LRMDA: variants seen among roughly 807,000 people sequenced by gnomAD.
LRMDA encodes leucine rich melanocyte differentiation associated.
Under a neutral mutation model 29.8 loss-of-function variants are expected in LRMDA, and 18 were observed. That is an observed-to-expected ratio of 0.60 (90% CI 0.42 to 0.90). The LOEUF is 0.90. LRMDA is among the 40% of genes least tolerant of loss of function. The probability of loss-of-function intolerance (pLI) is 0.00; values close to 1 mark genes in which losing one functional copy is unlikely to be tolerated. For synonymous variants in LRMDA, 125 were observed against 109.4 expected (o/e 1.14, Z -0.89); for missense variants, 273 against 273.9 (o/e 1.00, Z 0.02).
chr10:76,219,366 A>T (rs895006353), intron 5 of LRMDA, among the ~76,000 whole-genome samples: 1 of 152,190 alleles, frequency 6.6e-6, no homozygotes, highest in Non-Finnish European at 1.5e-5. Context: ...TATTCAGGAA[A>T]CCCATCTCAC....
intron 2 of LRMDA, among the ~76,000 whole-genome samples, chr10:75,664,873 A>T (rs942455175): frequency 3.3e-5 from 5 of 152,156 alleles, no homozygotes; most frequent in African/African-American, 1.2e-4. Flanking sequence ...TTTTGAGGAG[A>T]GATGTGATAA....
intron 1 of LRMDA, among the ~76,000 whole-genome samples, chr10:75,434,823 A>T (rs564048222): frequency 2.4e-4 from 37 of 152,322 alleles, no homozygotes; most frequent in Middle Eastern, 6.8e-3. Context: ...TAATCTCCTC[A>T]ACATCTGACT....
intron 2 of LRMDA, among the ~76,000 whole-genome samples, chr10:75,636,246 C>T (rs1167243382): frequency 6.6e-6 from 1 of 152,182 alleles, no homozygotes. Context: ...AATTCAAATC[C>T]TGATGCTGTC....
intron 5 of LRMDA, among the ~76,000 whole-genome samples, chr10:76,252,298 G>GA (rs1473943824): frequency 4.3e-4 from 65 of 151,958 alleles, no homozygotes; most frequent in Non-Finnish European, 6.9e-4. Flanking sequence ...ATTAAAAGAG[G>GA]AAAAAAGGAT....
intron 2 of LRMDA, among the ~76,000 whole-genome samples, chr10:75,895,525 T>C (rs1845566451): frequency 6.6e-6 from 1 of 152,178 alleles, no homozygotes; most frequent in African/African-American, 2.4e-5. Flanking sequence ...TTGTGTTGCT[T>C]GATTCCAGAA....
At chr10:76,470,974 A>G (rs1842611472) in intron 6 of LRMDA, among the ~76,000 whole-genome samples, 1 of 152,076 alleles carries the variant, frequency 6.6e-6, no homozygotes, top group South Asian at 2.1e-4. Flanking sequence ...TAAAAAAGCA[A>G]TTATATAAAA....
chr10:76,035,932 A>C, intron 2 of LRMDA, 76 bp from the exon 3 acceptor site: 1 of 1,543,266 alleles, frequency 6.5e-7, no homozygotes, highest in South Asian at 1.3e-5. Context: ...GGGAAGGTTA[A>C]AATATTTATT....
At chr10:75,587,181 C>G (rs1337756482) in intron 2 of LRMDA, among the ~76,000 whole-genome samples, 1 of 152,066 alleles carries the variant, frequency 6.6e-6, no homozygotes, top group African/African-American at 2.4e-5. Flanking sequence ...TATATTTCAT[C>G]TATAATAAAA....
intron 5 of LRMDA, among the ~76,000 whole-genome samples, chr10:76,290,466 T>C (rs1309829733): frequency 7.1e-6 from 1 of 141,604 alleles, no homozygotes; most frequent in African/African-American, 2.7e-5. Flanking sequence ...TTGCCCAGGC[T>C]GGCTGGCGTG....
At chr10:75,890,809 GTTT>G (rs929269602) in intron 2 of LRMDA, among the ~76,000 whole-genome samples, 10 of 152,060 alleles carry the variant, frequency 6.6e-5, no homozygotes, top group African/African-American at 2.4e-4. Flanking sequence ...GCTGTTGAAA[GTTT>G]CTTGGCCTAT....
chr10:76,010,576 T>A (rs1205493228), intron 2 of LRMDA, among the ~76,000 whole-genome samples: 1 of 152,230 alleles, frequency 6.6e-6, no homozygotes, highest in African/African-American at 2.4e-5. Context: ...CCTCCCAAAG[T>A]GCTGGGATTA....
At chr10:75,551,398 A>G (rs1003444529) in intron 2 of LRMDA, among the ~76,000 whole-genome samples, 1 of 152,030 alleles carries the variant, frequency 6.6e-6, no homozygotes, top group African/African-American at 2.4e-5. Flanking sequence ...GGTTTGTTAC[A>G]TAGGTATACA....
intron 2 of LRMDA, among the ~76,000 whole-genome samples, chr10:75,546,901 C>T (rs544901909): frequency 1.3e-5 from 2 of 152,278 alleles, no homozygotes; most frequent in South Asian, 2.1e-4. Flanking sequence ...TCCCCACAGA[C>T]ACATAGGGTA....
intron 2 of LRMDA, among the ~76,000 whole-genome samples, chr10:75,905,719 C>T (rs1253788805): frequency 1.3e-5 from 2 of 152,112 alleles, no homozygotes; most frequent in Admixed American, 6.6e-5. Context: ...GTTGGTCTCT[C>T]GTGTTCTCTG....
chr10:76,239,211 CAG>C (rs1235325013), intron 5 of LRMDA, among the ~76,000 whole-genome samples: 1 of 152,140 alleles, frequency 6.6e-6, no homozygotes, highest in African/African-American at 2.4e-5. Flanking sequence ...GCTTGGGTCT[CAG>C]GGGAGAGGCC....
chr10:75,631,782 T>G (rs374038545), intron 2 of LRMDA, among the ~76,000 whole-genome samples: 14 of 152,154 alleles, frequency 9.2e-5, no homozygotes, highest in African/African-American at 3.4e-4. Flanking sequence ...ATGAAACAGT[T>G]TTATATTTTT....
intron 6 of LRMDA, among the ~76,000 whole-genome samples, chr10:76,471,761 T>C (rs1178517393): frequency 6.6e-6 from 1 of 151,284 alleles, no homozygotes; most frequent in African/African-American, 2.4e-5. Flanking sequence ...AATAAGAAAA[T>C]TGGAGTGGCT....
chr10:75,804,184 CT>C (rs1227546675), intron 2 of LRMDA, among the ~76,000 whole-genome samples: 1 of 152,176 alleles, frequency 6.6e-6, no homozygotes, highest in East Asian at 1.9e-4. Context: ...GATTTTATAG[CT>C]GAAAAACACC....
intron 5 of LRMDA, among the ~76,000 whole-genome samples, chr10:76,128,586 G>A (rs563120381): frequency 2.5e-3 from 377 of 152,302 alleles, no homozygotes; most frequent in African/African-American, 8.0e-3. Flanking sequence ...CCATGCACTT[G>A]GCTTTACTGA....
Sources: gnomAD v4.1 joint callset for allele counts (sites outside exome capture counted in the v4.1 genomes callset) on GRCh38, gnomAD v4.1.1 for gene constraint, MANE v1.5 for transcripts, NCBI Gene and HGNC (gene_info 2026-07-23, HGNC 2026-07-21) for gene names.